Variants in DLG2 observed in about 807,000 individuals in gnomAD.
The protein encoded by DLG2 is discs large MAGUK scaffold protein 2, also known as disks large homolog 2.
In DLG2, 45 loss-of-function variants were observed where a neutral mutation model predicts 132.5. The observed-to-expected ratio is 0.34, with a 90% CI of 0.27 to 0.44. The LOEUF (loss-of-function observed/expected upper bound fraction) is 0.44. DLG2 is among the 20% of genes least tolerant of loss of function. The pLI, the probability that DLG2 is intolerant of heterozygous loss-of-function variation, is 1.00. For missense variants in DLG2, 1,045 were observed against 1,196.9 expected (o/e 0.87, Z 1.87); for synonymous variants, 424 against 419.6 (o/e 1.01, Z -0.13).
chr11:84,762,743 GAA>G (rs769453694), intron 6 of DLG2, among the ~76,000 whole-genome samples: 10 of 152,102 alleles, frequency 6.6e-5, no homozygotes, highest in Non-Finnish European at 1.3e-4. Flanking sequence ...ACCAGTCAGA[GAA>G]GTAGGTGCTT....
Position 84,714,526 on chromosome 11 carries a change from C to CCTCTTT in DLG2, c.358-179801_358-179796dup, listed in dbSNP as rs71036438. 7.6e-4 allele frequency among the ~76,000 whole-genome samples: 102 copies of CCTCTTT among 133,734 alleles called. 3 individuals carry two copies. The Middle Eastern group carries it at 0.014, about 19-fold the overall frequency. The allele number at this position is 133,734 out of a possible 152,430, so 87.7% of individuals were successfully genotyped here. ...GAGGCTGGGAGCCCACAACCCATTT[C>CCTCTTT]CTCTTTCTCTTTCTCTTTCTCTTTC... On this transcript the variant is annotated intron_variant, in intron 6 of 27. Transcript: ENST00000376104.
intron 7 of DLG2, among the ~76,000 whole-genome samples, chr11:84,350,476 T>C (rs762213927): frequency 2.0e-5 from 3 of 152,134 alleles, no homozygotes; most frequent in Admixed American, 1.3e-4. Context: ...GGAGGACATA[T>C]TGAGAACCTA....
At chr11:84,679,172 C>A (rs1288443294) in intron 6 of DLG2, among the ~76,000 whole-genome samples, 1 of 150,024 alleles carries the variant, frequency 6.7e-6, no homozygotes, top group Non-Finnish European at 1.5e-5. Flanking sequence ...ACAAAAAAAA[C>A]AATGTGGCTG....
At chr11:84,136,695 T>C (rs897292317) in intron 9 of DLG2, among the ~76,000 whole-genome samples, 1 of 152,130 alleles carries the variant, frequency 6.6e-6, no homozygotes, top group South Asian at 2.1e-4. Flanking sequence ...AACTTTGCAG[T>C]TGGCTAAAAG....
At chr11:85,226,650 G>C (rs984343394) in intron 4 of DLG2, among the ~76,000 whole-genome samples, 5 of 152,126 alleles carry the variant, frequency 3.3e-5, no homozygotes, top group Non-Finnish European at 7.4e-5. Flanking sequence ...ACATTGGAGA[G>C]GTTATTAAAA....
At chr11:85,067,553 C>G (rs1029318374) in intron 6 of DLG2, among the ~76,000 whole-genome samples, 38 of 151,806 alleles carry the variant, frequency 2.5e-4, no homozygotes, top group African/African-American at 8.0e-4. Context: ...TGTCTTTGTT[C>G]TCATTGGTTT....
At chr11:84,656,273 A>G (rs544371588) in intron 6 of DLG2, among the ~76,000 whole-genome samples, 1 of 152,288 alleles carries the variant, frequency 6.6e-6, no homozygotes, top group South Asian at 2.1e-4. Context: ...TGAAGTATTC[A>G]GAAATATATC....
chr11:84,568,526 T>C (rs2099466978), intron 6 of DLG2, among the ~76,000 whole-genome samples: 1 of 151,848 alleles, frequency 6.6e-6, no homozygotes, highest in Non-Finnish European at 1.5e-5. Context: ...AAATAAATAA[T>C]AAGAGGCAGC....
At chr11:84,642,117 AGTGTGT>A (rs139383928) in intron 6 of DLG2, among the ~76,000 whole-genome samples, 19 of 138,822 alleles carry the variant, frequency 1.4e-4, no homozygotes, top group Admixed American at 8.7e-4. Context: ...GTATATGTAG[AGTGTGT>A]GTGTGTGTGT....
chr11:84,283,397 G>A (rs1159245784), intron 7 of DLG2, among the ~76,000 whole-genome samples: 1 of 152,158 alleles, frequency 6.6e-6, no homozygotes, highest in East Asian at 1.9e-4. Context: ...GATTAAATGA[G>A]TTAATATTGA....
At chr11:83,584,589 A>T (rs2097049114) in intron 19 of DLG2, among the ~76,000 whole-genome samples, 1 of 152,230 alleles carries the variant, frequency 6.6e-6, no homozygotes, top group African/African-American at 2.4e-5. Context: ...GATGAATAAT[A>T]GAGTGTCATA....
At chr11:83,879,394 C>T (rs140733985) in intron 15 of DLG2, among the ~76,000 whole-genome samples, 263 of 152,132 alleles carry the variant, frequency 1.7e-3, no homozygotes, top group Non-Finnish European at 3.2e-3. Flanking sequence ...CCTATTTTTC[C>T]ACTTCTAATG....
intron 6 of DLG2, among the ~76,000 whole-genome samples, chr11:84,773,585 G>A (rs1002720287): frequency 2.6e-5 from 4 of 152,134 alleles, no homozygotes; most frequent in Non-Finnish European, 4.4e-5. Context: ...CGATCAAGTA[G>A]GTTTTATTCC....
At position 84,282,220 on chromosome 11, in the gene DLG2, C is replaced by T. The variant is rs541627738; in HGVS notation, c.520-30929G>A. Reference sequence around the variant, plus strand: ...GACACATGCAAAAACATGGACTAATCTTTAAATAATCATGTTGAGTGAAAG... The same window carrying T: ...GACACATGCAAAAACATGGACTAATTTTTAAATAATCATGTTGAGTGAAAG... On this transcript the variant is annotated intron_variant, in intron 7 of 27. Coordinates refer to ENST00000376104, the MANE Select transcript of DLG2 (RefSeq NM_001142699.3). Among the ~76,000 whole-genome samples, 7 of 152,224 alleles carry T rather than the reference C, an allele frequency of 4.6e-5. No homozygotes were observed. In the East Asian group the frequency reaches 1.4e-3, roughly 29 times the overall value.
At chr11:83,888,639 C>T (rs1049236667) in intron 15 of DLG2, among the ~76,000 whole-genome samples, 3 of 152,122 alleles carry the variant, frequency 2.0e-5, no homozygotes, top group African/African-American at 7.2e-5. Context: ...CCCTCATCAC[C>T]AAGTCAATCC....
intron 3 of DLG2, among the ~76,000 whole-genome samples, chr11:85,307,824 T>TA (rs1329355296): frequency 6.6e-6 from 1 of 152,152 alleles, no homozygotes; most frequent in Admixed American, 6.6e-5. Flanking sequence ...ATATTAGACT[T>TA]ACAATGTTTT....
chr11:85,623,424 C>CAAAT (rs2081864028), intron 2 of DLG2, among the ~76,000 whole-genome samples: 1 of 152,072 alleles, frequency 6.6e-6, no homozygotes, highest in South Asian at 2.1e-4. Flanking sequence ...CCTGCGTCAG[C>CAAAT]CTCCCAAGTA....
At chr11:84,975,095 A>G (rs1000316921) in intron 6 of DLG2, among the ~76,000 whole-genome samples, 3 of 152,188 alleles carry the variant, frequency 2.0e-5, no homozygotes, top group Non-Finnish European at 4.4e-5. Flanking sequence ...ACTTGATGTT[A>G]ACAGTGAGAA....
intron 3 of DLG2, among the ~76,000 whole-genome samples, chr11:85,487,469 T>C (rs1422037234): frequency 1.4e-5 from 2 of 138,476 alleles, no homozygotes; most frequent in Non-Finnish European, 3.2e-5. Flanking sequence ...ACCAAAAAGA[T>C]AGGTATTTCT....
Sources: allele counts gnomAD v4.1 joint callset (sites outside exome capture counted in the v4.1 genomes callset), GRCh38; gene constraint gnomAD v4.1.1; transcripts MANE v1.5; gene names NCBI Gene and HGNC (gene_info 2026-07-23, HGNC 2026-07-21).